CDH7: variants seen among roughly 807,000 people sequenced by gnomAD.
The protein encoded by CDH7 is cadherin-7.
In CDH7, 25 loss-of-function variants were observed where a neutral mutation model predicts 71.8. The observed-to-expected ratio is 0.35, with a 90% confidence interval of 0.25 to 0.49. The LOEUF is 0.49. Among genes scored for constraint, CDH7 ranks in the 20% least tolerant of loss-of-function variants. The pLI, the probability that CDH7 is intolerant of heterozygous loss-of-function variation, is 0.99. For missense variants in CDH7, 862 were observed against 974.6 expected (o/e 0.88, Z 1.54); for synonymous variants, 381 against 363.8 (o/e 1.05, Z -0.54).
At chr18:65,771,008 T>C (rs755902704) in intron 2 of CDH7, among the ~76,000 whole-genome samples, 8 of 152,170 alleles carry the variant, frequency 5.3e-5, no homozygotes, top group African/African-American at 1.2e-4. Flanking sequence ...GCTCTTGGCT[T>C]GAGGACAGCA....
intron 2 of CDH7, among the ~76,000 whole-genome samples, chr18:65,763,619 G>T (rs1916270592): frequency 6.6e-6 from 1 of 151,732 alleles, no homozygotes. Flanking sequence ...GTGTGTGTGT[G>T]TGTGTGTGTG....
chr18:65,846,057 C>G (rs543887026), intron 7 of CDH7, among the ~76,000 whole-genome samples: 311 of 152,078 alleles, frequency 2.0e-3, no homozygotes, highest in African/African-American at 7.2e-3. Flanking sequence ...TCTGTTGAAG[C>G]CTTTCATAGA....
chr18:65,791,895 A>G (rs773264409), intron 2 of CDH7, among the ~76,000 whole-genome samples: 5 of 151,908 alleles, frequency 3.3e-5, no homozygotes, highest in South Asian at 2.1e-4. Flanking sequence ...GTATTCTCCA[A>G]TCATCCTTAT....
rs747830944 is a variant in CDH7 at position 65,810,010 on chromosome 18, A to T, written c.505+12A>T. The T allele has an allele frequency of 6.3e-7, 1 of 1,599,954 alleles. No homozygotes were observed. The highest frequency in any genetic ancestry group is 8.6e-7 in the Non-Finnish European group (1 of 1,168,290). ...AATGTCTCCCGTGGGTAAGTAAAGA[A>T]CACTCTGCTTTTGTAGCTTGTGGCC... On this transcript the variant is annotated intron_variant, in intron 3 of 11. Coordinates refer to ENST00000397968, the MANE Select transcript of CDH7 (RefSeq NM_004361.5).
chr18:65,787,348 G>C (rs1376452826), intron 2 of CDH7, among the ~76,000 whole-genome samples: 3 of 152,134 alleles, frequency 2.0e-5, no homozygotes, highest in African/African-American at 7.2e-5. Context: ...TGCTGCCATA[G>C]TTGGTGCTGC....
chr18:65,759,819 A>G (rs1568170357), intron 1 of CDH7, among the ~76,000 whole-genome samples: 1 of 152,164 alleles, frequency 6.6e-6, no homozygotes, highest in African/African-American at 2.4e-5. Context: ...TTCGTTCCTC[A>G]TCAGTAAACA....
At chr18:65,849,828 A>T (rs1913081952) in intron 7 of CDH7, among the ~76,000 whole-genome samples, 1 of 151,998 alleles carries the variant, frequency 6.6e-6, no homozygotes, top group Non-Finnish European at 1.5e-5. Context: ...TGAAAATTAC[A>T]TTTGTTCTGA....
intron 2 of CDH7, among the ~76,000 whole-genome samples, chr18:65,805,693 C>T (rs375333987): frequency 1.1e-4 from 17 of 152,182 alleles, no homozygotes; most frequent in African/African-American, 2.7e-4. Flanking sequence ...CGGGAAGCTC[C>T]GGGCCATGCC....
chr18:65,781,864 T>TTCTTTCTTTCTC (rs1568181719), intron 2 of CDH7, among the ~76,000 whole-genome samples: 3 of 54,634 alleles, frequency 5.5e-5, no homozygotes, highest in African/African-American at 3.0e-4. Flanking sequence ...CTTTCTTTCT[T>TTCTTTCTTTCTC]TCTCTCTCTC....
rs1297730002 is a variant in CDH7, at chr18:65,883,957, G to C, written c.*3063G>C. The C allele has an allele frequency of 6.6e-6, 1 of 152,074 alleles. No homozygotes were observed. The highest frequency in any genetic ancestry group is 1.5e-5 in the Non-Finnish European group (1 of 67,974). The allele number at this position is 152,074 out of a possible 1,614,324, so 9.4% of individuals were successfully genotyped here. A position where few individuals can be genotyped will look rare whatever the true frequency, so the allele number is the denominator to read the frequency against. On this transcript the variant is annotated 3_prime_UTR_variant, in exon 12 of 12. Transcript: ENST00000397968. ...GGCTAAATTTCAAGTAGAGATAATAGTTCAGGAAGTCAATATATTTAATTA... is the reference window on the plus strand; with the variant it reads ...GGCTAAATTTCAAGTAGAGATAATACTTCAGGAAGTCAATATATTTAATTA...
intron 7 of CDH7, among the ~76,000 whole-genome samples, chr18:65,854,920 C>CGTATATATATAT (rs61208244): frequency 1.3e-3 from 194 of 145,544 alleles, no homozygotes; most frequent in African/African-American, 4.7e-3. Context: ...TATGTGTACA[C>CGTATATATATAT]ATATATATAT....
At chr18:65,816,315 T>C (rs1047765475) in intron 4 of CDH7, among the ~76,000 whole-genome samples, 4 of 152,146 alleles carry the variant, frequency 2.6e-5, no homozygotes, top group African/African-American at 9.7e-5. Context: ...AGTACATTTC[T>C]TGTGAGAAAA....
At chr18:65,775,861 C>T (rs1352099141) in intron 2 of CDH7, among the ~76,000 whole-genome samples, 1 of 152,124 alleles carries the variant, frequency 6.6e-6, no homozygotes, top group Non-Finnish European at 1.5e-5. Flanking sequence ...ATTACCTTTC[C>T]TTGTTCTCTC....
At chr18:65,819,143 T>C (rs1205962483) in intron 4 of CDH7, among the ~76,000 whole-genome samples, 1 of 152,120 alleles carries the variant, frequency 6.6e-6, no homozygotes, top group African/African-American at 2.4e-5. Flanking sequence ...ATAAATACTA[T>C]GGCAACAACT....
intron 1 of CDH7, among the ~76,000 whole-genome samples, chr18:65,752,258 T>G (rs1165043645): frequency 1.3e-5 from 2 of 152,246 alleles, no homozygotes; most frequent in African/African-American, 4.8e-5. Context: ...AAGTGACTTG[T>G]TAATATATGG....
At chr18:65,808,218 T>C (rs1282638701) in intron 2 of CDH7, among the ~76,000 whole-genome samples, 2 of 152,242 alleles carry the variant, frequency 1.3e-5, no homozygotes, top group East Asian at 3.9e-4. Flanking sequence ...CTTTGTTTTG[T>C]TTTTAAAAAA....
chr18:65,876,311 T>C (rs912955472), intron 11 of CDH7, among the ~76,000 whole-genome samples: 6 of 152,344 alleles, frequency 3.9e-5, no homozygotes, highest in African/African-American at 1.4e-4. Context: ...CTTTTACTGC[T>C]GTAATAGCAC....
chr18:65,864,626 C>T (rs1043714009), intron 11 of CDH7, among the ~76,000 whole-genome samples: 8 of 151,812 alleles, frequency 5.3e-5, no homozygotes, highest in Admixed American at 2.0e-4. Flanking sequence ...CAGTGGCTCA[C>T]GCCTGTAATC....
chr18:65,817,722 ATTTC>A (rs1911770759), intron 4 of CDH7, among the ~76,000 whole-genome samples: 1 of 152,140 alleles, frequency 6.6e-6, no homozygotes, highest in Non-Finnish European at 1.5e-5. Context: ...AGGGCTGTGT[ATTTC>A]TTTCATATTT....
Sources: gnomAD v4.1 joint callset for allele counts (sites outside exome capture counted in the v4.1 genomes callset) on GRCh38, gnomAD v4.1.1 for gene constraint, MANE v1.5 for transcripts, NCBI Gene and HGNC (gene_info 2026-07-23, HGNC 2026-07-21) for gene names.